Variants in PPP2R2C observed in about 807,000 individuals in gnomAD.
The protein encoded by PPP2R2C is protein phosphatase 2 regulatory subunit Bgamma, also known as protein phosphatase 2, regulatory subunit B, gamma.
Under a neutral mutation model 45.3 loss-of-function variants are expected in PPP2R2C, and 10 were observed. The ratio of observed to expected loss-of-function variants is 0.22; its 90% confidence interval spans 0.14 to 0.37. PPP2R2C has a LOEUF of 0.37. Among genes scored for constraint, PPP2R2C ranks in the 10% least tolerant of loss-of-function variants. PPP2R2C has a pLI of 1.00. For synonymous variants in PPP2R2C, 257 were observed against 245.4 expected (o/e 1.05, Z -0.44); for missense variants, 308 against 619.7 (o/e 0.50, Z 5.34).
intron 1 of PPP2R2C, among the ~76,000 whole-genome samples, chr4:6,398,905 C>T (rs533773831): frequency 6.6e-6 from 1 of 152,212 alleles, no homozygotes; most frequent in South Asian, 2.1e-4. Context: ...GAATTCTCCT[C>T]AAAGAAAAAG....
rs2109308034 is a variant in PPP2R2C, at chr4:6,378,327, T to C, written c.334+80A>G. 13 of 1,599,500 alleles carry C rather than the reference T, an allele frequency of 8.1e-6. No individual in the cohort carries two copies. Among genetic ancestry groups the C allele is most frequent in the South Asian group, 7.8e-5 (7 of 89,352 alleles). ...TGAAGACATAGAAAAATGCTCACAA[T>C]ATAAGTGAAATACAAACCAGCATTT... On this transcript the variant is annotated intron_variant, in intron 3 of 8. Transcript: ENST00000382599. The surrounding 1 kb of genome is among the most constrained non-coding windows in gnomAD (Gnocchi z 5.2).
chr4:6,540,022 A>T (rs4689477), intron 1 of PPP2R2C, among the ~76,000 whole-genome samples: 111 of 152,188 alleles, frequency 7.3e-4, no homozygotes, highest in African/African-American at 2.6e-3. Context: ...AATGACACCA[A>T]GCTTCTCACT....
chr4:6,498,913 G>C (rs944206954), intron 2 of PPP2R2C, among the ~76,000 whole-genome samples: 11 of 152,094 alleles, frequency 7.2e-5, no homozygotes, highest in Admixed American at 6.5e-4. Context: ...CAGCTAGACA[G>C]TATCATATTC....
chr4:6,519,333 A>G (rs1193431447), intron 2 of PPP2R2C, among the ~76,000 whole-genome samples: 2 of 152,204 alleles, frequency 1.3e-5, no homozygotes, highest in Non-Finnish European at 2.9e-5. Flanking sequence ...ATCACAGTGC[A>G]AGCCAAAATA....
At chr4:6,436,051 C>G (rs558184043) in intron 1 of PPP2R2C, among the ~76,000 whole-genome samples, 2 of 152,284 alleles carry the variant, frequency 1.3e-5, no homozygotes, top group Admixed American at 1.3e-4. Context: ...AAAGAGATCT[C>G]AGAGAGCTCC....
rs1384089462 is a variant in PPP2R2C at position 6,472,436 on chromosome 4, G to T, written c.-207C>A. ...GGTCAAGCGAGCGCGCGGTGGGCGG[G>T]CGGCGGCCGCGGGTTCGGGCGGGCC... On this transcript the variant is annotated 5_prime_UTR_variant, in exon 1 of 9. Coordinates refer to ENST00000382599, the MANE Select transcript of PPP2R2C (RefSeq NM_020416.4). The T allele has an allele frequency of 7.2e-6, 4 of 554,212 alleles. No homozygotes were observed. The highest frequency in any genetic ancestry group is 7.5e-5 in the South Asian group (1 of 13,268). 34.3% of individuals were successfully genotyped at this position (554,212 alleles called of 1,614,324 possible). A position where few individuals can be genotyped will look rare whatever the true frequency, so the allele number is the denominator to read the frequency against.
intron 2 of PPP2R2C, among the ~76,000 whole-genome samples, chr4:6,498,731 G>A (rs951819577): frequency 3.3e-5 from 5 of 152,076 alleles, no homozygotes; most frequent in African/African-American, 7.2e-5. Context: ...TGAGCCCAGT[G>A]AGCTCCCGGG....
intron 2 of PPP2R2C, among the ~76,000 whole-genome samples, chr4:6,526,586 G>A (rs1724216865): frequency 1.3e-5 from 2 of 152,294 alleles, no homozygotes; most frequent in South Asian, 4.1e-4. Context: ...TCCATGTTGA[G>A]GGCACCCTGA....
intron 2 of PPP2R2C, among the ~76,000 whole-genome samples, chr4:6,506,954 T>A (rs1371602262): frequency 6.6e-6 from 1 of 151,970 alleles, no homozygotes; most frequent in African/African-American, 2.4e-5. Context: ...AAGAGCAAAC[T>A]CAAAAGACCC....
At chr4:6,390,794 C>T (rs1253230358) in intron 1 of PPP2R2C, among the ~76,000 whole-genome samples, 1 of 152,228 alleles carries the variant, frequency 6.6e-6, no homozygotes, top group East Asian at 1.9e-4. Flanking sequence ...CTCACCTAGT[C>T]CTGGCTCATC....
At position 6,387,070 on chromosome 4, in the gene PPP2R2C, T is replaced by A. The variant is rs764031122; in HGVS notation, c.71-5976A>T. ...GTCTGAAGAATAGAGAGAAAAAAAA[T>A]TTTTTTAAAAAGAAAAAGATCCTCA... On this transcript the variant is annotated intron_variant, in intron 1 of 8. Transcript: ENST00000382599. 9.9e-5 allele frequency among the ~76,000 whole-genome samples: 15 copies of A among 152,044 alleles called. No homozygotes were observed. In the East Asian group the frequency reaches 1.9e-3, roughly 20 times the overall value.
intron 2 of PPP2R2C, among the ~76,000 whole-genome samples, chr4:6,503,788 T>A (rs1282982860): frequency 1.8e-5 from 2 of 113,838 alleles, no homozygotes; most frequent in African/African-American, 3.1e-5. Flanking sequence ...GAATACTACT[T>A]GGCAATTAAA....
intron 1 of PPP2R2C, among the ~76,000 whole-genome samples, chr4:6,421,309 C>T (rs1718944591): frequency 1.3e-5 from 2 of 152,118 alleles, no homozygotes; most frequent in African/African-American, 2.4e-5. Context: ...GCCTGGCCTG[C>T]CAAAGACAAG....
At chr4:6,506,387 T>C (rs1577226321) in intron 2 of PPP2R2C, among the ~76,000 whole-genome samples, 1 of 152,346 alleles carries the variant, frequency 6.6e-6, no homozygotes, top group East Asian at 1.9e-4. Context: ...TATTATGATT[T>C]TGGCATTTAG....
rs1731784429 is a variant in PPP2R2C at position 6,324,444 on chromosome 4, GA to G, written c.1053-852del. On this transcript the variant is annotated intron_variant, in intron 8 of 8. Transcript: ENST00000382599. This position sits in a 1 kb window ranked among gnomAD's most constrained non-coding sequence, Gnocchi z 4.1. The stretch of plus-strand genomic sequence containing the variant: ...AAAACTCCGTCTCGAAAAAAGAAAA[GA>G]AAAGAAAAGAAAAGACCCTCCTGTA... 6.6e-6 allele frequency among the ~76,000 whole-genome samples: 1 copy of G among 151,984 alleles called. No individual in the cohort carries two copies. Among genetic ancestry groups the G allele is most frequent in the Non-Finnish European group, 1.5e-5 (1 of 67,990 alleles).
chr4:6,421,118 T>G, intron 1 of PPP2R2C: 1 of 985,218 alleles, frequency 1.0e-6, no homozygotes, highest in Non-Finnish European at 1.2e-6. Flanking sequence ...CCAAAACACA[T>G]GCAGGTATGA....
intron 2 of PPP2R2C, among the ~76,000 whole-genome samples, chr4:6,522,530 G>C (rs1724059612): frequency 6.6e-6 from 1 of 152,252 alleles, no homozygotes; most frequent in African/African-American, 2.4e-5. Flanking sequence ...CCAGCCCCAT[G>C]TTCCCCACAC....
Position 6,330,261 on chromosome 4 carries a change from G to A in PPP2R2C, c.961-908C>T, listed in dbSNP as rs146114249. ...GGCACGGGCTCTGCCCTCTGGGTGC[G>A]GAAGGGAAGGTAACTGGGTGCCATG... On this transcript the variant is annotated intron_variant, in intron 7 of 8. Coordinates refer to ENST00000382599, the MANE Select transcript of PPP2R2C (RefSeq NM_020416.4). The surrounding 1 kb of genome is among the most constrained non-coding windows in gnomAD (Gnocchi z 7.0). Among the ~76,000 whole-genome samples the A allele has an allele frequency of 6.3e-3, 957 of 152,286 alleles. 9 individuals carry two copies. Among genetic ancestry groups the A allele is most frequent in the African/African-American group, 0.021 (875 of 41,558 alleles).
At chr4:6,506,511 G>T (rs1723240432) in intron 2 of PPP2R2C, among the ~76,000 whole-genome samples, 1 of 152,134 alleles carries the variant, frequency 6.6e-6, no homozygotes, top group Non-Finnish European at 1.5e-5. Context: ...GTCACAAGAG[G>T]CCTCTCTGAG....
Sources: allele counts gnomAD v4.1 joint callset (sites outside exome capture counted in the v4.1 genomes callset), GRCh38; gene constraint gnomAD v4.1.1; non-coding constraint Gnocchi (gnomAD v3.1); transcripts MANE v1.5; gene names NCBI Gene and HGNC (gene_info 2026-07-23, HGNC 2026-07-21).